The following EXD2 variants were observed in gnomAD, a reference collection of about 807,000 sequenced individuals.
The protein encoded by EXD2 is exonuclease 3'-5' domain containing 2.
EXD2 carries 40 observed loss-of-function variants against 62.5 expected under a neutral mutation model. The observed-to-expected ratio is 0.64, with a 90% CI of 0.50 to 0.83. The LOEUF (loss-of-function observed/expected upper bound fraction) is 0.83. Among genes scored for constraint, EXD2 ranks in the 40% least tolerant of loss-of-function variants. EXD2 has a pLI of 0.00. For missense variants in EXD2, 671 were observed against 761.8 expected, an observed-to-expected ratio of 0.88 and a Z score of 1.40; for synonymous variants, 239 against 291.9, an observed-to-expected ratio of 0.82 and a Z score of 1.85.
Position 69,240,874 on chromosome 14 carries a change from G to C in EXD2, c.1650-10G>C. 6.2e-7 allele frequency: 1 copy of C among 1,610,164 alleles called. No individual in the cohort carries two copies. The highest frequency in any genetic ancestry group is 8.5e-7 in the Non-Finnish European group (1 of 1,177,244). On this transcript the variant is annotated splice_polypyrimidine_tract_variant and intron_variant, in intron 9 of 9. Coordinates refer to ENST00000685843, the MANE Select transcript of EXD2 (RefSeq NM_001193360.2). ...TTCCCTCAGACACTTTGTTTTTCAT[G>C]TTTTGGCAGAATCTCCAATGAAAAC...
chr14:69,227,349 A>G (rs1319575673), intron 3 of EXD2, among the ~76,000 whole-genome samples: 2 of 152,222 alleles, frequency 1.3e-5, no homozygotes, highest in East Asian at 3.8e-4. Flanking sequence ...TGATCTCACC[A>G]TACTTGGTCA....
In EXD2 at chr14:69,241,078, A is replaced by G; in HGVS notation, c.1844A>G (p.Asp615Gly). Residue 615 changes from aspartate (D) to glycine (G), a missense_variant, in exon 10 of 10, where the codon GAT becomes GGT. By Grantham distance (94) the Asp-to-Gly change is moderately conservative. Transcript: ENST00000685843. ...AAGCTGCTCCGGAAATTCGGGGAAG[A>G]TCTTCCCATCCAGCTGTCTTGATAG... Reference protein sequence around the residue: ...HQKLLRKFGEDLPIQLS With the variant: ...HQKLLRKFGEGLPIQLS 3.1e-6 allele frequency: 5 copies of G among 1,612,518 alleles called. No homozygotes were observed. The highest frequency in any genetic ancestry group is 4.2e-6 in the Non-Finnish European group (5 of 1,180,016).
At position 69,234,798 on chromosome 14, in the gene EXD2, T is replaced by C; in HGVS notation, c.816T>C (p.Asp272=). ...GGAATTCACCTGGAGAAAAAAACGA[T>C]GACCACAGTAGCTGGAGAAAAGTCT... ...FSRNSPGEKN[D]DHSSWRKVLE... The change falls in exon 6 of 10, where the codon GAT becomes GAC. Residue 272 remains aspartate, a synonymous_variant. Coordinates refer to ENST00000685843, the MANE Select transcript of EXD2 (RefSeq NM_001193360.2). The C allele has an allele frequency of 1.2e-6, 2 of 1,614,134 alleles. No homozygotes were observed. The highest frequency in any genetic ancestry group is 2.2e-5 in the East Asian group (1 of 44,884).
At chr14:69,213,567 G>C (rs1378956901) in intron 3 of EXD2, among the ~76,000 whole-genome samples, 1 of 87,532 alleles carries the variant, frequency 1.1e-5, no homozygotes, top group Non-Finnish European at 2.2e-5. Flanking sequence ...TGTAGAAATG[G>C]GGTCTTGTTG....
intron 3 of EXD2, among the ~76,000 whole-genome samples, chr14:69,221,579 C>T (rs2043184468): frequency 6.6e-6 from 1 of 151,136 alleles, no homozygotes; most frequent in African/African-American, 2.4e-5. Flanking sequence ...CCAGCCTGGT[C>T]AACACAATGA....
chr14:69,242,155 G>A lies in EXD2; in HGVS notation c.*1055G>A. 3 of 398,110 alleles carry A rather than the reference G, an allele frequency of 7.5e-6. No homozygotes were observed. Among genetic ancestry groups the A allele is most frequent in the Non-Finnish European group, 1.3e-5 (3 of 226,034 alleles). The allele number at this position is 398,110 out of a possible 1,614,324, so 24.7% of individuals were successfully genotyped here. A position where few individuals can be genotyped will look rare whatever the true frequency, so the allele number is the denominator to read the frequency against. On this transcript the variant is annotated 3_prime_UTR_variant, in exon 10 of 10. Transcript: ENST00000685843. ...CGTTGTTTCATCTTTCAAAATGTTA[G>A]GCCATTACTTTGAGTATAAAATCGA...
At chr14:69,207,899 T>A (rs1038580632) in intron 2 of EXD2, among the ~76,000 whole-genome samples, 12 of 151,892 alleles carry the variant, frequency 7.9e-5, no homozygotes, top group Non-Finnish European at 1.5e-4. Context: ...TTTACTTTTT[T>A]TTTTTTTTTC....
At chr14:69,233,401 G>A (rs1566839023) in intron 5 of EXD2, among the ~76,000 whole-genome samples, 1 of 148,754 alleles carries the variant, frequency 6.7e-6, no homozygotes, top group Non-Finnish European at 1.5e-5. Flanking sequence ...TAAAATTTTA[G>A]TTTTTTTTTT....
chr14:69,241,332 C>G lies in EXD2; in HGVS notation c.*232C>G. On this transcript the variant is annotated 3_prime_UTR_variant, in exon 10 of 10. Coordinates refer to ENST00000685843, the MANE Select transcript of EXD2 (RefSeq NM_001193360.2). The stretch of plus-strand genomic sequence containing the variant: ...TCTTTTTTCCTCTCATTTTTGTGGA[C>G]AAGAGAGGCCTTCGCCTTTATTTTT... 1 of 488,046 alleles carries G rather than the reference C, an allele frequency of 2.0e-6. No homozygotes were observed. Among genetic ancestry groups the G allele is most frequent in the South Asian group, 3.6e-5 (1 of 27,554 alleles). The allele number at this position is 488,046 out of a possible 1,614,324, so 30.2% of individuals were successfully genotyped here.
At chr14:69,194,345 T>C (rs11158794) in intron 1 of EXD2, among the ~76,000 whole-genome samples, 106,885 of 151,604 alleles carry the variant, frequency 0.71, 38,537 homozygotes, top group East Asian at 1. Context: ...TCACCGTGTT[T>C]GCTAGGATGG....
chr14:69,230,528 A>G lies in EXD2; in HGVS notation c.647A>G (p.Asn216Ser), dbSNP rs2043535762. 6.2e-7 allele frequency: 1 copy of G among 1,613,700 alleles called. No individual in the cohort carries two copies. The highest frequency in any genetic ancestry group is 1.1e-5 in the South Asian group (1 of 91,044). Residue 216 changes from asparagine (N) to serine (S), a missense_variant, in exon 5 of 10, where the codon AAC becomes AGC. Transcript: ENST00000685843. Reference sequence around the variant, plus strand: ...AAGTCCCTCGCTGAGACTGTTTTGAACTTTCCCCTTGACAAGTCCCTTCTA... The same window carrying G: ...AAGTCCCTCGCTGAGACTGTTTTGAGCTTTCCCCTTGACAAGTCCCTTCTA... ...SLKSLAETVL[N>S]FPLDKSLLLR...
At chr14:69,219,937 C>T (rs1227898224) in intron 3 of EXD2, among the ~76,000 whole-genome samples, 2 of 152,060 alleles carry the variant, frequency 1.3e-5, no homozygotes, top group African/African-American at 2.4e-5. Flanking sequence ...TAACATTTCA[C>T]CTTGAAGTAT....
At chr14:69,230,720 A>G in intron 5 of EXD2, 122 bp downstream of exon 5, 2 of 1,137,688 alleles carry the variant, frequency 1.8e-6, no homozygotes, top group South Asian at 3.7e-5. Flanking sequence ...AAATAGATTC[A>G]TTCTCTGGTG....
Position 69,237,605 on chromosome 14 carries a change from G to A in EXD2, c.1323G>A (p.Lys441=). ...RKNVIPHEYR[K]HFPIEMKDHN... ...ACGTGATTCCACATGAGTACCGGAA[G>A]CACTTCCCCATCGAGATGAAGGACC... Residue 441 remains lysine (K), a synonymous_variant, in exon 9 of 10, where the codon AAG becomes AAA. Transcript: ENST00000685843. 6.2e-7 allele frequency: 1 copy of A among 1,614,218 alleles called. No individual in the cohort carries two copies. Among genetic ancestry groups the A allele is most frequent in the Non-Finnish European group, 8.5e-7 (1 of 1,180,028 alleles).
At chr14:69,203,730 A>AG (rs1242245365) in intron 1 of EXD2, among the ~76,000 whole-genome samples, 187 bp from the exon 2 acceptor site, 2 of 152,226 alleles carry the variant, frequency 1.3e-5, no homozygotes, top group South Asian at 2.1e-4. Flanking sequence ...ATTGGGTGGG[A>AG]GCTGAACTTG....
chr14:69,223,295 C>CT (rs143809569), intron 3 of EXD2, among the ~76,000 whole-genome samples: 1,547 of 152,280 alleles, frequency 0.01, 30 homozygotes, highest in African/African-American at 0.035. Context: ...CCTTGAATGT[C>CT]TAATAGTCAT....
At chr14:69,198,979 C>T (rs575937812) in intron 1 of EXD2, among the ~76,000 whole-genome samples, 1 of 152,386 alleles carries the variant, frequency 6.6e-6, no homozygotes, top group African/African-American at 2.4e-5. Flanking sequence ...CATGGAGGCT[C>T]ACGCCTATAA....
At position 69,230,541 on chromosome 14, in the gene EXD2, C is replaced by G; in HGVS notation, c.660C>G (p.Asp220Glu). The G allele has an allele frequency of 6.2e-7, 1 of 1,614,054 alleles. No individual in the cohort carries two copies. Among genetic ancestry groups the G allele is most frequent in the Non-Finnish European group, 8.5e-7 (1 of 1,179,940 alleles). The change falls in exon 5 of 10, where the codon GAC becomes GAG. Residue 220 changes from aspartate to glutamate, a missense_variant. By Grantham distance (45) the Asp-to-Glu change is conservative. Coordinates refer to ENST00000685843, the MANE Select transcript of EXD2 (RefSeq NM_001193360.2). ...LAETVLNFPL[D>E]KSLLLRCSNW... ...AGACTGTTTTGAACTTTCCCCTTGACAAGTCCCTTCTACTTCGTTGCAGCA... is the reference window on the plus strand; with the variant it reads ...AGACTGTTTTGAACTTTCCCCTTGAGAAGTCCCTTCTACTTCGTTGCAGCA...
At chr14:69,230,918 G>C (rs903041639) in intron 5 of EXD2, among the ~76,000 whole-genome samples, 8 of 152,148 alleles carry the variant, frequency 5.3e-5, no homozygotes, top group African/African-American at 1.9e-4. Context: ...GAGTAGCTGA[G>C]ATTACAGATG....
Sources: gnomAD v4.1 joint callset for allele counts (sites outside exome capture counted in the v4.1 genomes callset) on GRCh38, gnomAD v4.1.1 for gene constraint, MANE v1.5 for transcripts, NCBI Gene and HGNC (gene_info 2026-07-23, HGNC 2026-07-21) for gene names.